The following GALNT13 variants were observed in gnomAD, a reference collection of about 807,000 sequenced individuals.
GALNT13 encodes UDP-GalNAc:polypeptide N-acetylgalactosaminyltransferase 13.
GALNT13 carries 28 observed loss-of-function variants against 64.2 expected under a neutral mutation model. The observed-to-expected ratio is 0.44, with a 90% CI of 0.32 to 0.60. GALNT13 has a LOEUF of 0.60. GALNT13 is among the 20% of genes least tolerant of loss of function. The pLI is 0.05. For missense variants in GALNT13, 577 were observed against 669.8 expected (o/e 0.86, Z 1.53); for synonymous variants, 214 against 224.6 (o/e 0.95, Z 0.42).
the GALNT13 span, among the ~76,000 whole-genome samples, chr2:153,829,561 A>C: frequency 6.6e-6 from 1 of 152,146 alleles, no homozygotes; most frequent in African/African-American, 2.4e-5. Context: ...GGTTCTTCCC[A>C]TAGCACATGA....
At chr2:154,328,180 T>C (rs954578627) in intron 9 of GALNT13, among the ~76,000 whole-genome samples, 3 of 152,146 alleles carry the variant, frequency 2.0e-5, no homozygotes, top group Non-Finnish European at 4.4e-5. Flanking sequence ...AATTGTATCA[T>C]GTTGATCATC....
Position 154,374,067 on chromosome 2 carries a change from C to T in GALNT13, c.1157-21924C>T, listed in dbSNP as rs554124197. On this transcript the variant is annotated intron_variant, in intron 9 of 12. Coordinates refer to ENST00000392825, the MANE Select transcript of GALNT13 (RefSeq NM_052917.4). ...ATAACATGAAGTACTGTCTTTACTC[C>T]CAGCCTTCTTCCTTTCCCGGCTTTC... is the stretch of plus-strand genomic sequence containing the variant. Among the ~76,000 whole-genome samples the T allele has an allele frequency of 1.6e-4, 24 of 152,262 alleles. No homozygotes were observed. The South Asian group carries it at 4.8e-3, about 30-fold the overall frequency.
chr2:153,228,869 CAAAAAAAAAAAAA>C, the GALNT13 span, among the ~76,000 whole-genome samples: 1 of 68,628 alleles, frequency 1.5e-5, no homozygotes, highest in Non-Finnish European at 2.7e-5. Context: ...GAGACTGTCT[CAAAAAAAAAAAAA>C]AAAAAAAAAA....
chr2:154,014,882 C>T (rs557221834), intron 3 of GALNT13, among the ~76,000 whole-genome samples: 1 of 152,118 alleles, frequency 6.6e-6, no homozygotes, highest in South Asian at 2.1e-4. Context: ...CTGCCCGCCT[C>T]AGCCTCCCAA....
chr2:154,250,774 T>A (rs1280965033), intron 7 of GALNT13, among the ~76,000 whole-genome samples: 1 of 151,970 alleles, frequency 6.6e-6, no homozygotes, highest in East Asian at 1.9e-4. Context: ...CTTTTCTCAA[T>A]CCAACCATAA....
intron 9 of GALNT13, among the ~76,000 whole-genome samples, chr2:154,381,381 C>CTTCCTGACCACCT (rs1698262918): frequency 6.6e-6 from 1 of 151,794 alleles, no homozygotes; most frequent in African/African-American, 2.4e-5. Context: ...CCTGACCACC[C>CTTCCTGACCACCT]CTTCCTGACC....
At chr2:154,286,674 C>T in intron 8 of GALNT13, 3 of 310,748 alleles carry the variant, frequency 9.7e-6, no homozygotes, top group Non-Finnish European at 1.3e-5. Flanking sequence ...CTGCCTTATA[C>T]AGTGTGCATG....
upstream of GALNT13, among the ~76,000 whole-genome samples, chr2:153,867,596 T>C (rs890604645): frequency 3.9e-5 from 6 of 152,076 alleles, no homozygotes; most frequent in Non-Finnish European, 8.8e-5. Flanking sequence ...ACATGACGTT[T>C]ATTGTGTACT....
At chr2:153,792,243 T>C in the GALNT13 span, among the ~76,000 whole-genome samples, 1 of 152,134 alleles carries the variant, frequency 6.6e-6, no homozygotes, top group Non-Finnish European at 1.5e-5. Flanking sequence ...GGATTGAAAA[T>C]ATTTTTAAAA....
the GALNT13 span, among the ~76,000 whole-genome samples, chr2:153,698,189 G>T: frequency 6.6e-6 from 1 of 152,070 alleles, no homozygotes; most frequent in Non-Finnish European, 1.5e-5. Context: ...GCATCAACTA[G>T]TATGCAAAAC....
the GALNT13 span, among the ~76,000 whole-genome samples, chr2:153,546,312 A>G: frequency 6.6e-6 from 1 of 152,106 alleles, no homozygotes; most frequent in Non-Finnish European, 1.5e-5. Context: ...AGAAGAGAGG[A>G]AAAAACTTTG....
the GALNT13 span, among the ~76,000 whole-genome samples, chr2:153,316,217 A>T: frequency 6.6e-6 from 1 of 152,208 alleles, no homozygotes; most frequent in South Asian, 2.1e-4. Flanking sequence ...TGCTAACAGG[A>T]ATATAAAATG....
rs557601609 is a variant in GALNT13, at chr2:154,312,052, G to A, written c.1156+10463G>A. On this transcript the variant is annotated intron_variant, in intron 9 of 12. Transcript: ENST00000392825. ...CGCAATTATTACAGGGTCCTGAGAC[G>A]ATATACATCCTTCTCGGCTGACAGG... 7.2e-5 allele frequency among the ~76,000 whole-genome samples: 11 copies of A among 152,180 alleles called. No individual in the cohort carries two copies. The South Asian group carries it at 2.3e-3, about 32-fold the overall frequency.
At chr2:153,141,374 T>A in the GALNT13 span, among the ~76,000 whole-genome samples, 1 of 151,970 alleles carries the variant, frequency 6.6e-6, no homozygotes, top group African/African-American at 2.4e-5. Context: ...TGAGCAGAGA[T>A]AAGGGTGGGC....
the GALNT13 span, chr2:153,421,878 G>C: frequency 1.3e-5 from 2 of 156,304 alleles, no homozygotes; most frequent in South Asian, 1.3e-4. Context: ...TGGATGCTTT[G>C]TTCCAGGTAG....
chr2:153,834,162 T>C, the GALNT13 span, among the ~76,000 whole-genome samples: 3 of 152,110 alleles, frequency 2.0e-5, no homozygotes, highest in Admixed American at 6.6e-5. Context: ...ATATTTTCTG[T>C]TGTAAAGCTC....
the GALNT13 span, among the ~76,000 whole-genome samples, chr2:153,448,228 G>C: frequency 2.1e-4 from 32 of 152,166 alleles, no homozygotes; most frequent in Non-Finnish European, 4.3e-4. Flanking sequence ...TGTATGTAGT[G>C]AAGCATGTTG....
the GALNT13 span, among the ~76,000 whole-genome samples, chr2:153,476,166 T>C: frequency 6.6e-6 from 1 of 152,224 alleles, no homozygotes; most frequent in East Asian, 1.9e-4. Flanking sequence ...CCATCCTAGG[T>C]TGTGATTTCT....
intron 10 of GALNT13, among the ~76,000 whole-genome samples, chr2:154,408,592 T>C (rs1323245395): frequency 6.6e-6 from 1 of 152,044 alleles, no homozygotes; most frequent in African/African-American, 2.4e-5. Context: ...TTCCATGCAA[T>C]AGTATAGGAG....
Sources: allele counts gnomAD v4.1 joint callset (sites outside exome capture counted in the v4.1 genomes callset), GRCh38; gene constraint gnomAD v4.1.1; transcripts MANE v1.5; gene names NCBI Gene and HGNC (gene_info 2026-07-23, HGNC 2026-07-21).